SP3: variants seen among roughly 807,000 people sequenced by gnomAD.
SP3 encodes Sp3 transcription factor, also known as transcription factor Sp3.
In SP3, 10 loss-of-function variants were observed where a neutral mutation model predicts 70.3. The ratio of observed to expected loss-of-function variants is 0.14; its 90% CI spans 0.09 to 0.24. SP3 has a LOEUF of 0.24. SP3 is among the 10% of genes least tolerant of loss of function. The pLI is 1.00. For synonymous variants in SP3, 402 were observed against 333.5 expected, an observed-to-expected ratio of 1.21 and a Z score of -2.24; for missense variants, 825 against 914.6, an observed-to-expected ratio of 0.90 and a Z score of 1.26.
chr2:173,939,927 C>T lies in SP3; in HGVS notation c.1639+14946G>A, dbSNP rs73028251. On this transcript the variant is annotated intron_variant, in intron 4 of 6. Transcript: ENST00000310015. ...AGAGAGAGTCACCCAGGCTGGAGTGCAATGACTCAATCATAACTCACTGTA... is the reference window on the plus strand; with the variant it reads ...AGAGAGAGTCACCCAGGCTGGAGTGTAATGACTCAATCATAACTCACTGTA... 3.4e-3 allele frequency among the ~76,000 whole-genome samples: 522 copies of T among 152,222 alleles called. 1 individual carries two copies. Among genetic ancestry groups the T allele is most frequent in the African/African-American group, 0.012 (495 of 41,536 alleles).
At chr2:173,942,891 A>G (rs1334686743) in intron 4 of SP3, among the ~76,000 whole-genome samples, 1 of 152,190 alleles carries the variant, frequency 6.6e-6, no homozygotes, top group Non-Finnish European at 1.5e-5. Context: ...AAAATATAAA[A>G]TTTAAAATAC....
At chr2:173,947,088 C>T (rs73028266) in intron 4 of SP3, among the ~76,000 whole-genome samples, 2,616 of 152,234 alleles carry the variant, frequency 0.017, 82 homozygotes, top group African/African-American at 0.06. Flanking sequence ...AATGTAACAT[C>T]TCTGTAATGT....
rs1394005369 is a variant in SP3 at position 173,956,009 on chromosome 2, A to G, written c.503T>C (p.Val168Ala). The change falls in exon 4 of 7, where the codon GTT (valine) becomes GCT (alanine). Residue 168 changes from valine to alanine, a missense_variant. This residue lies in a region of SP3 where 678 missense variants were observed against 651.6 expected (regional missense o/e 1.04). Transcript: ENST00000310015. Reference sequence around the variant, plus strand: ...GATCTGTGGTATCACTTGATATTGAACACTGGACACTGTACCATTTGATGA... The same window carrying G: ...GATCTGTGGTATCACTTGATATTGAGCACTGGACACTGTACCATTTGATGA... ...SDSSNGTVSSVQYQVIPQIQS... is the reference protein window; with the variant it reads ...SDSSNGTVSSAQYQVIPQIQS... 4 of 1,614,194 alleles carry G rather than the reference A, an allele frequency of 2.5e-6. No individual in the cohort carries two copies. The South Asian group carries it at 4.4e-5, about 18-fold the overall frequency.
In SP3 at chr2:173,903,439, A is replaced by G. The variant is rs1227408492; in HGVS notation, c.*6502T>C. Among the ~76,000 whole-genome samples, 1 of 152,216 alleles carries G rather than the reference A, an allele frequency of 6.6e-6. No individual in the cohort carries two copies. On this transcript the variant is annotated 3_prime_UTR_variant, in exon 7 of 7. Coordinates refer to ENST00000310015, the MANE Select transcript of SP3 (RefSeq NM_003111.5). ...CCAAACCTATGCACTTAATCACTAT[A>G]TTATGCTATGAAAGGTTTCAACTTT...
At chr2:173,951,198 C>T (rs889999116) in intron 4 of SP3, among the ~76,000 whole-genome samples, 2 of 152,156 alleles carry the variant, frequency 1.3e-5, no homozygotes, top group Non-Finnish European at 2.9e-5. Flanking sequence ...AACGCTGTAA[C>T]ATTAATTTTG....
intron 5 of SP3, chr2:173,916,022 G>T (rs999251930): frequency 3.3e-4 from 50 of 152,076 alleles, no homozygotes; most frequent in African/African-American, 1.2e-3. Flanking sequence ...ATTACTATCT[G>T]TATCAACTTG....
chr2:173,938,985 G>A (rs1420269789), intron 4 of SP3, among the ~76,000 whole-genome samples: 2 of 152,138 alleles, frequency 1.3e-5, no homozygotes, highest in Admixed American at 1.3e-4. Context: ...CCAGCATCTA[G>A]TGGGTAAGTC....
At chr2:173,956,958 T>C (rs1265493151) in intron 3 of SP3, among the ~76,000 whole-genome samples, 3 of 152,180 alleles carry the variant, frequency 2.0e-5, no homozygotes, top group Non-Finnish European at 4.4e-5. Context: ...GGTGTATTAA[T>C]ACAATTTGAG....
At chr2:173,918,039 T>C (rs763378090) in intron 5 of SP3, among the ~76,000 whole-genome samples, 35 of 151,954 alleles carry the variant, frequency 2.3e-4, no homozygotes, top group Admixed American at 5.3e-4. Flanking sequence ...TCTTCATTAT[T>C]AAGCTTAGTA....
rs1689384515 is a variant in SP3 at position 173,908,310 on chromosome 2, T to C, written c.*1631A>G. ...GTGGGCTAAGGGCTAAGACTTTTTT[T>C]CAAAAATTTTATTTAATAAGCTCAT... On this transcript the variant is annotated 3_prime_UTR_variant, in exon 7 of 7. Coordinates refer to ENST00000310015, the MANE Select transcript of SP3 (RefSeq NM_003111.5). The C allele has an allele frequency of 3.3e-5, 5 of 152,276 alleles. No homozygotes were observed. Among genetic ancestry groups the C allele is most frequent in the Admixed American group, 3.3e-4 (5 of 15,274 alleles). 9.4% of individuals were successfully genotyped at this position (152,276 alleles called of 1,614,324 possible).
At chr2:173,954,563 C>T (rs1690818159) in intron 4 of SP3, among the ~76,000 whole-genome samples, 3 of 152,118 alleles carry the variant, frequency 2.0e-5, no homozygotes, top group Non-Finnish European at 4.4e-5. Context: ...AGACACCCTA[C>T]CTGCCAAATA....
chr2:173,960,647 C>T (rs1360255082), intron 3 of SP3, among the ~76,000 whole-genome samples: 4 of 152,146 alleles, frequency 2.6e-5, no homozygotes, highest in Non-Finnish European at 4.4e-5. Flanking sequence ...ACAACCTAAA[C>T]CAAAGATCAA....
chr2:173,948,494 A>G (rs188097400), intron 4 of SP3, among the ~76,000 whole-genome samples: 2 of 152,280 alleles, frequency 1.3e-5, no homozygotes, highest in East Asian at 1.9e-4. Flanking sequence ...TTCAGGATCC[A>G]CTGGGGGTCT....
intron 4 of SP3, among the ~76,000 whole-genome samples, chr2:173,944,886 G>A (rs1423246013): frequency 6.6e-6 from 1 of 152,210 alleles, no homozygotes; most frequent in Non-Finnish European, 1.5e-5. Context: ...GGAGGCCAAG[G>A]CAGCTGGATC....
rs1193758313 is a variant in SP3 at position 173,909,292 on chromosome 2, A to G, written c.*649T>C. The G allele has an allele frequency of 2.0e-5, 3 of 152,494 alleles. No homozygotes were observed. The highest frequency in any genetic ancestry group is 4.8e-5 in the African/African-American group (2 of 41,462). The allele number at this position is 152,494 out of a possible 1,614,324, so 9.4% of individuals were successfully genotyped here. A position where few individuals can be genotyped will look rare whatever the true frequency, so the allele number is the denominator to read the frequency against. On this transcript the variant is annotated 3_prime_UTR_variant, in exon 7 of 7. Coordinates refer to ENST00000310015, the MANE Select transcript of SP3 (RefSeq NM_003111.5). ...AACAAGACATTATTTTGGCAAATTA[A>G]ATCTTAAACATGGCTTTTCAACAGG...
chr2:173,921,557 AC>A (rs1689755190), intron 4 of SP3, among the ~76,000 whole-genome samples: 1 of 151,608 alleles, frequency 6.6e-6, no homozygotes, highest in African/African-American at 2.4e-5. Context: ...AAACAAACAA[AC>A]AAACAGGCCA....
At chr2:173,936,714 A>G (rs1690219425) in intron 4 of SP3, among the ~76,000 whole-genome samples, 1 of 152,212 alleles carries the variant, frequency 6.6e-6, no homozygotes, top group Non-Finnish European at 1.5e-5. Flanking sequence ...TAACATGCTA[A>G]TAAGCATTTT....
At chr2:173,950,991 T>C (rs761316260) in intron 4 of SP3, among the ~76,000 whole-genome samples, 6 of 152,216 alleles carry the variant, frequency 3.9e-5, no homozygotes, top group Non-Finnish European at 7.3e-5. Flanking sequence ...CTGGAGTATT[T>C]ATTTTACCCT....
intron 4 of SP3, among the ~76,000 whole-genome samples, chr2:173,920,531 CG>C (rs1559092677): frequency 6.6e-6 from 1 of 151,782 alleles, no homozygotes; most frequent in African/African-American, 2.4e-5. Flanking sequence ...TGTGCAGGGG[CG>C]GGGGGTAAGG....
Sources: allele counts gnomAD v4.1 joint callset (sites outside exome capture counted in the v4.1 genomes callset), GRCh38; gene constraint gnomAD v4.1.1; regional missense constraint gnomAD v4.1.1; transcripts MANE v1.5; gene names NCBI Gene and HGNC (gene_info 2026-07-23, HGNC 2026-07-21).